The following PTGR2 variants were observed in gnomAD, a reference collection of about 807,000 sequenced individuals.
PTGR2 encodes the protein 15-oxoprostaglandin 13-reductase.
A neutral mutation model predicts 43.4 loss-of-function variants in PTGR2; 32 were observed. That is an observed-to-expected ratio of 0.74 (90% CI 0.56 to 0.99). The LOEUF is 0.99. Among genes scored for constraint, PTGR2 ranks in the 50% least tolerant of loss-of-function variants. The pLI is 0.00. For synonymous variants in PTGR2, 106 were observed against 139.2 expected (o/e 0.76, Z 1.68); for missense variants, 373 against 420.0 (o/e 0.89, Z 0.98).
At chr14:73,867,792 C>T (rs1251508581) in intron 3 of PTGR2, among the ~76,000 whole-genome samples, 1 of 152,190 alleles carries the variant, frequency 6.6e-6, no homozygotes, top group African/African-American at 2.4e-5. Flanking sequence ...TAGTCTGAAT[C>T]ACCGTTGTTT....
chr14:73,870,003 C>T (rs915178938), intron 3 of PTGR2, among the ~76,000 whole-genome samples: 1 of 113,562 alleles, frequency 8.8e-6, no homozygotes, highest in African/African-American at 2.9e-5. Flanking sequence ...TGCACTCCAG[C>T]TTGAGTGACA....
Position 73,868,556 on chromosome 14 carries a change from G to C in PTGR2, c.157-5467G>C, listed in dbSNP as rs1214755411. Among the ~76,000 whole-genome samples the C allele has an allele frequency of 2.6e-5, 4 of 151,996 alleles. No individual in the cohort carries two copies. The East Asian group carries it at 7.7e-4, about 29-fold the overall frequency. On this transcript the variant is annotated intron_variant, in intron 3 of 9. Coordinates refer to ENST00000555661, the MANE Select transcript of PTGR2 (RefSeq NM_001146154.2). ...AGATAACAACTTGCATTTGAGTCTT[G>C]CCATTCATATACAAACCAACCAATC...
chr14:73,878,400 C>G, intron 5 of PTGR2: 1 of 151,996 alleles, frequency 6.6e-6, no homozygotes, highest in East Asian at 1.9e-4. Flanking sequence ...GAGTGAAAGC[C>G]AAAAATTGTG....
chr14:73,879,514 G>T, intron 6 of PTGR2: 1 of 500,572 alleles, frequency 2.0e-6, no homozygotes, highest in South Asian at 2.8e-5. Flanking sequence ...TTCAATTTCA[G>T]TTATTTGCTA....
rs2054945491 is a variant in PTGR2, at chr14:73,880,047, C to T, written c.730-8C>T. 4.3e-6 allele frequency: 7 copies of T among 1,613,296 alleles called. No homozygotes were observed. Among genetic ancestry groups the T allele is most frequent in the Non-Finnish European group, 5.9e-6 (7 of 1,179,440 alleles). ...AGGGATATTTTATCATTATTTTTCTCTGTGCAGATGAATGAGAACAGCCAC... is the reference window on the plus strand; with the variant it reads ...AGGGATATTTTATCATTATTTTTCTTTGTGCAGATGAATGAGAACAGCCAC... On this transcript the variant is annotated splice_polypyrimidine_tract_variant and splice_region_variant and intron_variant, in intron 6 of 9. Coordinates refer to ENST00000555661, the MANE Select transcript of PTGR2 (RefSeq NM_001146154.2).
At chr14:73,853,426 G>A (rs1373471393) in intron 1 of PTGR2, among the ~76,000 whole-genome samples, 6 of 151,490 alleles carry the variant, frequency 4.0e-5, no homozygotes, top group Non-Finnish European at 8.8e-5. Flanking sequence ...GGTTTAAAGC[G>A]ATTCCCCAGC....
At chr14:73,876,630 C>T (rs2054872553) in intron 4 of PTGR2, among the ~76,000 whole-genome samples, 1 of 151,992 alleles carries the variant, frequency 6.6e-6, no homozygotes, top group Non-Finnish European at 1.5e-5. Flanking sequence ...CGCATGCCAC[C>T]ATGCCTTGCT....
At chr14:73,861,918 C>G (rs907350327) in intron 3 of PTGR2, among the ~76,000 whole-genome samples, 7 of 151,374 alleles carry the variant, frequency 4.6e-5, no homozygotes, top group African/African-American at 1.7e-4. Flanking sequence ...CACTCTGTTG[C>G]CTAGGCTGGA....
At chr14:73,861,717 T>A (rs1396727477) in intron 3 of PTGR2, 1 of 151,992 alleles carries the variant, frequency 6.6e-6, no homozygotes, top group Non-Finnish European at 1.5e-5. Flanking sequence ...GTTCGGGTGA[T>A]GGAGTGAGAC....
rs756840743 is a variant in PTGR2, at chr14:73,879,274, G to A, written c.698G>A (p.Gly233Asp). The change falls in exon 6 of 10, where the codon GGT (glycine) becomes GAT (aspartate). Residue 233 changes from glycine to aspartate, a missense_variant. By Grantham distance (94) the Gly-to-Asp change is moderately conservative (BLOSUM62 -1). Transcript: ENST00000555661. ...GTGGATGTTTATTTTGACAATGTTGGTGGTAACATCAGTGATACAGTGATA... is the reference window on the plus strand; with the variant it reads ...GTGGATGTTTATTTTGACAATGTTGATGGTAACATCAGTGATACAGTGATA... ...AGVDVYFDNV[G>D]GNISDTVISQ... The A allele has an allele frequency of 6.2e-7, 1 of 1,614,090 alleles. No homozygotes were observed. The highest frequency in any genetic ancestry group is 2.2e-5 in the East Asian group (1 of 44,874).
intron 2 of PTGR2, 124 bp downstream of exon 2, chr14:73,859,023 A>C: frequency 1.6e-6 from 1 of 638,454 alleles, no homozygotes; most frequent in East Asian, 2.9e-5. Context: ...ACTAGTAAAG[A>C]TATTAGAAGA....
chr14:73,879,507 A>G lies in PTGR2; in HGVS notation c.729+202A>G. 4 of 511,678 alleles carry G rather than the reference A, an allele frequency of 7.8e-6. No homozygotes were observed. In the Admixed American group the frequency reaches 1.1e-4, roughly 14 times the overall value. The allele number at this position is 511,678 out of a possible 1,614,324, so 31.7% of individuals were successfully genotyped here. A position where few individuals can be genotyped will look rare whatever the true frequency, so the allele number is the denominator to read the frequency against. On this transcript the variant is annotated intron_variant, in intron 6 of 9. Coordinates refer to ENST00000555661, the MANE Select transcript of PTGR2 (RefSeq NM_001146154.2). ...CTTGCAGATTTGTACTATGAACTTCAATTTCAGTTATTTGCTACCAATATT... is the reference window on the plus strand; with the variant it reads ...CTTGCAGATTTGTACTATGAACTTCGATTTCAGTTATTTGCTACCAATATT...
At chr14:73,853,783 T>TC (rs35808513) in intron 1 of PTGR2, among the ~76,000 whole-genome samples, 22,863 of 152,172 alleles carry the variant, frequency 0.15, 2,224 homozygotes, top group East Asian at 0.32. Context: ...AGGGACTTTT[T>TC]CCAAGTTCCC....
At chr14:73,874,306 A>G (rs2054805704) in intron 4 of PTGR2, 92 bp downstream of exon 4, 1 of 1,051,404 alleles carries the variant, frequency 9.5e-7, no homozygotes, top group Non-Finnish European at 1.4e-6. Flanking sequence ...ATCAGGGAAA[A>G]ATAAAAGCAT....
chr14:73,873,820 A>G (rs573596694), intron 3 of PTGR2, among the ~76,000 whole-genome samples: 2 of 152,244 alleles, frequency 1.3e-5, no homozygotes, highest in African/African-American at 2.4e-5. Context: ...GCCAGTGGCA[A>G]TTTTCAAGTA....
chr14:73,854,292 G>A (rs917447765), intron 1 of PTGR2, among the ~76,000 whole-genome samples: 2 of 151,966 alleles, frequency 1.3e-5, no homozygotes, highest in African/African-American at 4.8e-5. Flanking sequence ...TAGTAGGGCA[G>A]AGTTTCACCA....
chr14:73,857,027 T>G lies in PTGR2; in HGVS notation c.-47-1789T>G, dbSNP rs1566633654. On this transcript the variant is annotated intron_variant, in intron 1 of 9. Transcript: ENST00000555661. ...TGGCTCACGCCTGTAATCCCAGCACTTTGGGAGGTCGAGATGGGAGGATCA... is the reference window on the plus strand; with the variant it reads ...TGGCTCACGCCTGTAATCCCAGCACGTTGGGAGGTCGAGATGGGAGGATCA... Among the ~76,000 whole-genome samples, 3 of 151,690 alleles carry G rather than the reference T, an allele frequency of 2.0e-5. No homozygotes were observed. In the South Asian group the frequency reaches 6.3e-4, roughly 32 times the overall value.
Position 73,884,514 on chromosome 14 carries a change from AC to A in PTGR2, c.*338del, listed in dbSNP as rs1436145976. 1 of 155,128 alleles carries A rather than the reference AC, an allele frequency of 6.4e-6. No homozygotes were observed. Among genetic ancestry groups the A allele is most frequent in the Non-Finnish European group, 1.4e-5 (1 of 70,230 alleles). The allele number at this position is 155,128 out of a possible 1,614,324, so 9.6% of individuals were successfully genotyped here. On this transcript the variant is annotated 3_prime_UTR_variant, in exon 10 of 10. Transcript: ENST00000555661. ...AGGTTTTTTAAAATTAATATTAATA[AC>A]TTTTATTAATTTAAAATAGAATGCT...
chr14:73,883,313 TCTCA>T (rs1259209185), intron 9 of PTGR2, among the ~76,000 whole-genome samples: 3 of 145,320 alleles, frequency 2.1e-5, no homozygotes, highest in Non-Finnish European at 3.0e-5. Flanking sequence ...CAAGCAATCC[TCTCA>T]CCAGAGTAGC....
Sources: gnomAD v4.1 joint callset for allele counts (sites outside exome capture counted in the v4.1 genomes callset) on GRCh38, gnomAD v4.1.1 for gene constraint, MANE v1.5 for transcripts, NCBI Gene and HGNC (gene_info 2026-07-23, HGNC 2026-07-21) for gene names.